Variants in ANKS1B observed in about 807,000 individuals in gnomAD.
The protein encoded by ANKS1B is ankyrin repeat and sterile alpha motif domain containing 1B.
In ANKS1B, 36 loss-of-function variants were observed where a neutral mutation model predicts 148.3. That is an observed-to-expected ratio of 0.24 (90% CI 0.19 to 0.32). The LOEUF (loss-of-function observed/expected upper bound fraction) is 0.32, where lower values mean the gene tolerates loss of function less well. ANKS1B is among the 10% of genes least tolerant of loss of function. ANKS1B has a pLI of 1.00. For synonymous variants in ANKS1B, 542 were observed against 560.8 expected, an observed-to-expected ratio of 0.97 and a Z score of 0.47; for missense variants, 1,157 against 1,542.6, an observed-to-expected ratio of 0.75 and a Z score of 4.19.
intron 1 of ANKS1B, among the ~76,000 whole-genome samples, chr12:99,938,606 T>C (rs2094838572): frequency 6.6e-6 from 1 of 152,184 alleles, no homozygotes; most frequent in Non-Finnish European, 1.5e-5. Flanking sequence ...ATTCTGAACA[T>C]CCAGTCACCA....
intron 17 of ANKS1B, among the ~76,000 whole-genome samples, chr12:98,871,701 T>A (rs77369322): frequency 0.075 from 11,473 of 152,212 alleles, 476 homozygotes; most frequent in Non-Finnish European, 0.098. Flanking sequence ...TGTTTTTTTT[T>A]AATTAAAAAA....
intron 26 of ANKS1B, among the ~76,000 whole-genome samples, chr12:98,748,822 T>C (rs1565986441): frequency 6.6e-6 from 1 of 152,192 alleles, no homozygotes; most frequent in Non-Finnish European, 1.5e-5. Context: ...TGTGCTCTTC[T>C]GGAAGAAGCC....
intron 17 of ANKS1B, among the ~76,000 whole-genome samples, chr12:99,049,827 T>G (rs540622658): frequency 6.6e-6 from 1 of 152,316 alleles, no homozygotes; most frequent in Non-Finnish European, 1.5e-5. Flanking sequence ...CCAAAGGTAT[T>G]TAAAAAACAA....
chr12:99,609,169 A>G (rs1016576194), intron 9 of ANKS1B, among the ~76,000 whole-genome samples: 1 of 152,066 alleles, frequency 6.6e-6, no homozygotes, highest in Non-Finnish European at 1.5e-5. Flanking sequence ...AAACTCAGAC[A>G]CCTTAGAAAA....
chr12:99,186,401 T>C (rs1373025491), intron 14 of ANKS1B, among the ~76,000 whole-genome samples: 1 of 152,198 alleles, frequency 6.6e-6, no homozygotes, highest in Non-Finnish European at 1.5e-5. Context: ...AGGGACAGAC[T>C]GCCTCCTTAA....
intron 1 of ANKS1B, among the ~76,000 whole-genome samples, chr12:99,931,637 G>T (rs746000282): frequency 2.6e-5 from 4 of 152,092 alleles, no homozygotes; most frequent in Non-Finnish European, 5.9e-5. Context: ...TTGTGGAAAA[G>T]AATGTTTTAT....
chr12:99,903,647 C>T (rs1351801412), intron 1 of ANKS1B, among the ~76,000 whole-genome samples: 1 of 151,832 alleles, frequency 6.6e-6, no homozygotes, highest in Non-Finnish European at 1.5e-5. Flanking sequence ...GTATTTAAAC[C>T]AATGTATCCA....
chr12:99,223,610 T>G (rs768247141), intron 14 of ANKS1B, among the ~76,000 whole-genome samples: 9 of 151,912 alleles, frequency 5.9e-5, no homozygotes, highest in Admixed American at 3.3e-4. Flanking sequence ...AGATCTCCGG[T>G]GGTAATGCTC....
chr12:99,605,903 A>G (rs537711495), intron 9 of ANKS1B, among the ~76,000 whole-genome samples: 15 of 152,112 alleles, frequency 9.9e-5, no homozygotes, highest in African/African-American at 3.4e-4. Flanking sequence ...TTTTTGATGG[A>G]ATTCCATGCC....
At chr12:99,008,708 A>C (rs755959406) in intron 17 of ANKS1B, among the ~76,000 whole-genome samples, 8 of 152,198 alleles carry the variant, frequency 5.3e-5, no homozygotes, top group Non-Finnish European at 1.2e-4. Context: ...ATTGTTATGG[A>C]AAATCCCAAA....
intron 8 of ANKS1B, among the ~76,000 whole-genome samples, chr12:99,699,508 C>T (rs2153517984): frequency 6.6e-6 from 1 of 152,228 alleles, no homozygotes; most frequent in South Asian, 2.1e-4. Context: ...AATAATAATG[C>T]ATTATGCACA....
chr12:99,929,421 C>T (rs1387621195), intron 1 of ANKS1B, among the ~76,000 whole-genome samples: 1 of 152,034 alleles, frequency 6.6e-6, no homozygotes, highest in Non-Finnish European at 1.5e-5. Flanking sequence ...GAGTAGGTTG[C>T]AAAAATTTTC....
chr12:99,003,980 G>C (rs1039119681), intron 17 of ANKS1B, among the ~76,000 whole-genome samples: 1 of 152,210 alleles, frequency 6.6e-6, no homozygotes, highest in Non-Finnish European at 1.5e-5. Flanking sequence ...AGCTGGCGAA[G>C]GATTCTGGAA....
intron 8 of ANKS1B, among the ~76,000 whole-genome samples, chr12:99,667,325 G>C (rs1433300994): frequency 7.1e-6 from 1 of 140,408 alleles, no homozygotes; most frequent in African/African-American, 3.0e-5. Context: ...CTCCAGTCTG[G>C]GTGACAGAGC....
At chr12:98,841,573 AC>A (rs2099406200) in intron 17 of ANKS1B, among the ~76,000 whole-genome samples, 2 of 152,160 alleles carry the variant, frequency 1.3e-5, no homozygotes, top group Non-Finnish European at 2.9e-5. Context: ...AACTAGCTAA[AC>A]TAAAGTTTTA....
chr12:98,920,149 T>G, intron 17 of ANKS1B, among the ~76,000 whole-genome samples: 1 of 152,230 alleles, frequency 6.6e-6, no homozygotes, highest in East Asian at 1.9e-4. Flanking sequence ...TTTCTTTGCT[T>G]GCAGAAACAT....
intron 9 of ANKS1B, among the ~76,000 whole-genome samples, chr12:99,586,682 C>A (rs2097645068): frequency 6.6e-6 from 1 of 152,084 alleles, no homozygotes; most frequent in South Asian, 2.1e-4. Context: ...GGGTAACTTA[C>A]AAAGGAAAGA....
chr12:98,940,757 C>T (rs1005111842), intron 17 of ANKS1B, among the ~76,000 whole-genome samples: 10 of 152,020 alleles, frequency 6.6e-5, no homozygotes, highest in African/African-American at 2.2e-4. Flanking sequence ...TACACAAGAA[C>T]ATATGTATAA....
At chr12:99,376,011 A>G (rs527625625) in intron 12 of ANKS1B, among the ~76,000 whole-genome samples, 2 of 152,380 alleles carry the variant, frequency 1.3e-5, no homozygotes, top group East Asian at 3.9e-4. Flanking sequence ...GGAATTTTAT[A>G]CATGTGCATT....
Sources: gnomAD v4.1 joint callset for allele counts (sites outside exome capture counted in the v4.1 genomes callset) on GRCh38, gnomAD v4.1.1 for gene constraint, MANE v1.5 for transcripts, NCBI Gene and HGNC (gene_info 2026-07-23, HGNC 2026-07-21) for gene names.